TET1: variants seen among roughly 807,000 people sequenced by gnomAD.
TET1 encodes tet methylcytosine dioxygenase 1, also known as methylcytosine dioxygenase TET1.
Under a neutral mutation model 148.7 loss-of-function variants are expected in TET1, and 13 were observed. The ratio of observed to expected loss-of-function variants is 0.09; its 90% confidence interval spans 0.06 to 0.14. TET1 has a LOEUF of 0.14. Ranked by LOEUF, TET1 falls within the 10% of genes least tolerant of loss-of-function variation. The probability of loss-of-function intolerance (pLI) is 1.00; values close to 1 mark genes in which losing one functional copy is unlikely to be tolerated. For missense variants in TET1, 2,182 were observed against 2,553.8 expected (o/e 0.85, Z 3.14); for synonymous variants, 907 against 937.2 (o/e 0.97, Z 0.59).
chr10:68,609,990 T>C (rs1487321868), intron 3 of TET1, among the ~76,000 whole-genome samples: 1 of 151,418 alleles, frequency 6.6e-6, no homozygotes, highest in Non-Finnish European at 1.5e-5. Flanking sequence ...TCTATATATT[T>C]ATAAAAAATA....
chr10:68,587,308 G>A (rs2132830031), intron 2 of TET1, among the ~76,000 whole-genome samples: 1 of 152,316 alleles, frequency 6.6e-6, no homozygotes, highest in Non-Finnish European at 1.5e-5. Flanking sequence ...GACAGTGGAA[G>A]GCCAGAGTTG....
intron 2 of TET1, among the ~76,000 whole-genome samples, chr10:68,591,554 T>C (rs1189468163): frequency 6.6e-6 from 1 of 152,154 alleles, no homozygotes; most frequent in Admixed American, 6.6e-5. Flanking sequence ...TAAATGAATT[T>C]AGAAACTAAA....
chr10:68,624,661 TC>T (rs770741838), intron 3 of TET1, among the ~76,000 whole-genome samples: 25,849 of 90,288 alleles, frequency 0.29, 3,718 homozygotes, highest in Middle Eastern at 0.32. Context: ...TCTTTCTTTC[TC>T]TCTCTCTCTC....
At chr10:68,615,348 TTTC>T (rs1021957040) in intron 3 of TET1, among the ~76,000 whole-genome samples, 6 of 138,938 alleles carry the variant, frequency 4.3e-5, no homozygotes, top group African/African-American at 1.7e-4. Context: ...TGGTGTTTCT[TTTC>T]TTTTCTTTTT....
At chr10:68,682,550 G>T (rs2133223866) in intron 9 of TET1, among the ~76,000 whole-genome samples, 1 of 152,162 alleles carries the variant, frequency 6.6e-6, no homozygotes, top group Admixed American at 6.5e-5. Context: ...CTTTCTAATG[G>T]AATGATTGAG....
In TET1 at chr10:68,574,877, CTT is replaced by C. The variant is rs2053710636; in HGVS notation, c.1914+626_1914+627del. Among the ~76,000 whole-genome samples, 4 of 152,168 alleles carry C rather than the reference CTT, an allele frequency of 2.6e-5. No homozygotes were observed. The South Asian group carries it at 8.3e-4, about 32-fold the overall frequency. ...CCAAAGTGATACACAAACATTAGTT[CTT>C]ATTATAGTTTATGAACCTAAGGTAG... On this transcript the variant is annotated intron_variant, in intron 2 of 11. Transcript: ENST00000373644.
intron 11 of TET1, among the ~76,000 whole-genome samples, chr10:68,688,528 G>A (rs1260741467): frequency 3.7e-5 from 5 of 135,470 alleles, no homozygotes; most frequent in Admixed American, 2.3e-4. Context: ...TGTGCCTCCC[G>A]GGTTCACGCC....
intron 3 of TET1, among the ~76,000 whole-genome samples, chr10:68,643,462 G>A (rs1344560857): frequency 6.6e-6 from 1 of 151,992 alleles, no homozygotes; most frequent in African/African-American, 2.4e-5. Context: ...AACTTAACAA[G>A]CTATATACTT....
chr10:68,598,689 TC>T (rs748084524), intron 2 of TET1, among the ~76,000 whole-genome samples: 1 of 147,900 alleles, frequency 6.8e-6, no homozygotes, highest in Non-Finnish European at 1.5e-5. Context: ...GTTTTTTTTT[TC>T]TTTTTCTTTC....
chr10:68,688,928 A>T (rs1389209785), intron 11 of TET1, among the ~76,000 whole-genome samples: 2 of 152,166 alleles, frequency 1.3e-5, no homozygotes, highest in Non-Finnish European at 2.9e-5. Context: ...GAAGCTGTTT[A>T]TTTGTTTTTA....
At chr10:68,650,871 G>C (rs2054922281) in intron 4 of TET1, among the ~76,000 whole-genome samples, 1 of 152,012 alleles carries the variant, frequency 6.6e-6, no homozygotes, top group Admixed American at 6.6e-5. Flanking sequence ...GCAGAAATAC[G>C]ACGCAAACAT....
chr10:68,574,755 A>G (rs2053708950), intron 2 of TET1, among the ~76,000 whole-genome samples: 1 of 152,216 alleles, frequency 6.6e-6, no homozygotes, highest in South Asian at 2.1e-4. Flanking sequence ...AGACATAGCA[A>G]TAATACAGCT....
At chr10:68,684,765 A>T (rs549446198) in intron 10 of TET1, among the ~76,000 whole-genome samples, 37 of 151,302 alleles carry the variant, frequency 2.4e-4, no homozygotes, top group African/African-American at 8.7e-4. Context: ...TATTTTTTTT[A>T]TTTTTTTTAT....
At position 68,658,682 on chromosome 10, in the gene TET1, C is replaced by G. The variant is rs368569243; in HGVS notation, c.4461+6088C>G. Among the ~76,000 whole-genome samples the G allele has an allele frequency of 2.2e-4, 34 of 152,192 alleles. 1 individual carries two copies. The South Asian group carries it at 7.1e-3, about 32-fold the overall frequency. On this transcript the variant is annotated intron_variant, in intron 6 of 11. Coordinates refer to ENST00000373644, the MANE Select transcript of TET1 (RefSeq NM_030625.3). ...TTTTGACTCTTTTTCTCTGCTGTCACTTTGGATCTTGTCAGAAACAAGTTA... is the reference window on the plus strand; with the variant it reads ...TTTTGACTCTTTTTCTCTGCTGTCAGTTTGGATCTTGTCAGAAACAAGTTA...
chr10:68,679,338 G>A (rs2055405762), intron 8 of TET1, among the ~76,000 whole-genome samples: 2 of 152,120 alleles, frequency 1.3e-5, no homozygotes, highest in African/African-American at 4.8e-5. Context: ...GACTCTGTGT[G>A]GTCCACAACA....
At chr10:68,575,325 A>C (rs58968626) in intron 2 of TET1, among the ~76,000 whole-genome samples, 1 of 151,846 alleles carries the variant, frequency 6.6e-6, no homozygotes, top group Non-Finnish European at 1.5e-5. Context: ...CAGAGGTTAC[A>C]GTGAGCCAAG....
At chr10:68,623,873 T>C (rs2054410353) in intron 3 of TET1, among the ~76,000 whole-genome samples, 4 of 152,210 alleles carry the variant, frequency 2.6e-5, no homozygotes, top group Admixed American at 1.3e-4. Flanking sequence ...GGTGTTGTTT[T>C]CTAGTAACAG....
chr10:68,572,267 C>A lies in TET1; in HGVS notation c.-72C>A. ...AAGAGCAGTGCATCCAGATTCTCCT[C>A]AGAAGTGAGACTTTCCAAAGGACCA... On this transcript the variant is annotated 5_prime_UTR_variant, in exon 2 of 12. Coordinates refer to ENST00000373644, the MANE Select transcript of TET1 (RefSeq NM_030625.3). 1 of 1,352,942 alleles carries A rather than the reference C, an allele frequency of 7.4e-7. No individual in the cohort carries two copies. The highest frequency in any genetic ancestry group is 1.0e-6 in the Non-Finnish European group (1 of 1,000,784). The allele number at this position is 1,352,942 out of a possible 1,614,324, so 83.8% of individuals were successfully genotyped here. A position where few individuals can be genotyped will look rare whatever the true frequency, so the allele number is the denominator to read the frequency against.
chr10:68,640,664 G>A (rs1438997523), intron 3 of TET1, among the ~76,000 whole-genome samples: 1 of 131,806 alleles, frequency 7.6e-6, no homozygotes, highest in Non-Finnish European at 1.5e-5. Context: ...CCATTCTCCT[G>A]CCTCAGCCTC....
Sources: allele counts gnomAD v4.1 joint callset (sites outside exome capture counted in the v4.1 genomes callset), GRCh38; gene constraint gnomAD v4.1.1; transcripts MANE v1.5; gene names NCBI Gene and HGNC (gene_info 2026-07-23, HGNC 2026-07-21).